The following LTBP1 variants were observed in gnomAD, a reference collection of about 807,000 sequenced individuals.
LTBP1 encodes the protein latent transforming growth factor beta binding protein 1, also known as latent-transforming growth factor beta-binding protein 1.
A neutral mutation model predicts 207.6 loss-of-function variants in LTBP1; 129 were observed. The observed-to-expected ratio is 0.62, with a 90% confidence interval of 0.54 to 0.72. LTBP1 has a LOEUF of 0.72. Ranked by LOEUF, LTBP1 falls within the 30% of genes least tolerant of loss-of-function variation. LTBP1 has a pLI of 0.00. For missense variants in LTBP1, 2,281 were observed against 2,217.2 expected, an observed-to-expected ratio of 1.03 and a Z score of -0.58; for synonymous variants, 963 against 833.7, an observed-to-expected ratio of 1.16 and a Z score of -2.67.
intron 19 of LTBP1, among the ~76,000 whole-genome samples, chr2:33,290,665 G>A (rs921924920): frequency 2.0e-5 from 3 of 152,182 alleles, no homozygotes; most frequent in African/African-American, 7.2e-5. Flanking sequence ...GGTATGCCTG[G>A]GCAATAACAA....
intron 3 of LTBP1, among the ~76,000 whole-genome samples, chr2:33,075,349 C>T (rs1000158750): frequency 1.3e-5 from 2 of 151,998 alleles, no homozygotes. Flanking sequence ...TTTTGGGGGG[C>T]AACATTTTCT....
chr2:33,127,658 C>A (rs557234463), intron 4 of LTBP1, among the ~76,000 whole-genome samples: 1 of 152,256 alleles, frequency 6.6e-6, no homozygotes, highest in South Asian at 2.1e-4. Context: ...TTTGGCCTGA[C>A]TGAGGCCAAA....
At chr2:33,244,641 T>C (rs976780565) in intron 10 of LTBP1, among the ~76,000 whole-genome samples, 4 of 152,166 alleles carry the variant, frequency 2.6e-5, no homozygotes, top group Non-Finnish European at 4.4e-5. Context: ...GTAAGCACTG[T>C]AAGATTTTTT....
At chr2:33,208,934 C>G (rs1369744342) in intron 7 of LTBP1, among the ~76,000 whole-genome samples, 3 of 142,192 alleles carry the variant, frequency 2.1e-5, no homozygotes, top group Non-Finnish European at 3.0e-5. Flanking sequence ...GTGGCGCGAT[C>G]TCGGCTGACT....
At chr2:33,364,685 C>T (rs1385921128) in intron 30 of LTBP1, among the ~76,000 whole-genome samples, 1 of 152,148 alleles carries the variant, frequency 6.6e-6, no homozygotes, top group Non-Finnish European at 1.5e-5. Context: ...TAATTAGGTG[C>T]ACTCAGCAGA....
At chr2:33,179,584 C>G (rs2086414379) in intron 5 of LTBP1, among the ~76,000 whole-genome samples, 2 of 151,932 alleles carry the variant, frequency 1.3e-5, no homozygotes, top group Admixed American at 1.3e-4. Context: ...AGTCTCTTCT[C>G]TCATATGTAA....
chr2:33,367,150 A>G (rs2094999437), intron 31 of LTBP1, among the ~76,000 whole-genome samples: 1 of 152,150 alleles, frequency 6.6e-6, no homozygotes, highest in Non-Finnish European at 1.5e-5. Context: ...CAGAGTATTT[A>G]TAACTGAAGT....
At chr2:33,306,581 C>A (rs996096872) in intron 22 of LTBP1, among the ~76,000 whole-genome samples, 4 of 151,256 alleles carry the variant, frequency 2.6e-5, no homozygotes, top group East Asian at 3.9e-4. Context: ...AAAAAAAAAA[C>A]CAAAAACCAG....
chr2:33,176,815 G>GC (rs769662426), intron 5 of LTBP1, among the ~76,000 whole-genome samples: 26 of 152,242 alleles, frequency 1.7e-4, no homozygotes, highest in South Asian at 1.2e-3. Flanking sequence ...TCGACACCTT[G>GC]CACATCCCTT....
At chr2:33,331,067 A>T (rs2094488398) in intron 24 of LTBP1, among the ~76,000 whole-genome samples, 2 of 151,732 alleles carry the variant, frequency 1.3e-5, no homozygotes, top group Non-Finnish European at 2.9e-5. Flanking sequence ...TATTTATAAT[A>T]TCCTCTTCTC....
intron 20 of LTBP1, among the ~76,000 whole-genome samples, chr2:33,294,574 A>AT (rs1558962566): frequency 2.8e-4 from 41 of 145,806 alleles, no homozygotes; most frequent in African/African-American, 1.0e-3. Flanking sequence ...TATTGGGTAA[A>AT]ATTTTTTTTT....
rs1682615096 is a variant in LTBP1 at position 32,980,614 on chromosome 2, T to C, written c.565+31669T>C. On this transcript the variant is annotated intron_variant, in intron 2 of 33. Coordinates refer to ENST00000404816, the MANE Select transcript of LTBP1 (RefSeq NM_206943.4). ...ATCTTCTTTCTTCTGAAAATATTAGTAGTTTACATACCACAATTACAGTGT... is the reference window on the plus strand; with the variant it reads ...ATCTTCTTTCTTCTGAAAATATTAGCAGTTTACATACCACAATTACAGTGT... Among the ~76,000 whole-genome samples the C allele has an allele frequency of 2.0e-5, 3 of 152,328 alleles. No homozygotes were observed. In the South Asian group the frequency reaches 6.2e-4, roughly 32 times the overall value.
intron 2 of LTBP1, among the ~76,000 whole-genome samples, chr2:32,959,621 AT>A (rs397972038): frequency 3.2e-3 from 116 of 36,662 alleles, no homozygotes; most frequent in African/African-American, 9.7e-3. Context: ...ATATATATAT[AT>A]TTTTTTTTTT....
intron 2 of LTBP1, among the ~76,000 whole-genome samples, chr2:32,973,331 G>T (rs770549076): frequency 6.6e-6 from 1 of 152,030 alleles, no homozygotes; most frequent in Non-Finnish European, 1.5e-5. Flanking sequence ...TCTTTGTTAG[G>T]TGTATATATA....
At chr2:33,085,408 T>G (rs1336612698) in intron 3 of LTBP1, among the ~76,000 whole-genome samples, 1 of 152,238 alleles carries the variant, frequency 6.6e-6, no homozygotes, top group East Asian at 1.9e-4. Context: ...TGGGCACATC[T>G]GCTCAAGTTT....
intron 22 of LTBP1, among the ~76,000 whole-genome samples, chr2:33,304,658 C>G (rs987918211): frequency 6.6e-6 from 1 of 152,138 alleles, no homozygotes; most frequent in South Asian, 2.1e-4. Flanking sequence ...GTGACTTGTT[C>G]CCTCCAAGCA....
chr2:33,216,759 C>G (rs993756285), intron 7 of LTBP1, among the ~76,000 whole-genome samples: 1 of 152,186 alleles, frequency 6.6e-6, no homozygotes, highest in South Asian at 2.1e-4. Context: ...AGAGCAGGAT[C>G]TGTTTTCTTA....
intron 5 of LTBP1, among the ~76,000 whole-genome samples, chr2:33,153,575 G>A (rs1391007660): frequency 6.6e-6 from 1 of 152,170 alleles, no homozygotes; most frequent in East Asian, 1.9e-4. Context: ...TCTGAGCCGC[G>A]AAGGATCTAA....
intron 2 of LTBP1, among the ~76,000 whole-genome samples, chr2:32,961,505 A>G (rs1213247288): frequency 6.6e-6 from 1 of 152,220 alleles, no homozygotes; most frequent in East Asian, 1.9e-4. Context: ...TTAAAGTGGA[A>G]GTTAAATATT....
Sources: allele counts gnomAD v4.1 joint callset (sites outside exome capture counted in the v4.1 genomes callset), GRCh38; gene constraint gnomAD v4.1.1; transcripts MANE v1.5; gene names NCBI Gene and HGNC (gene_info 2026-07-23, HGNC 2026-07-21).